Variants in TMEM117 observed in about 807,000 individuals in gnomAD.
TMEM117 encodes transmembrane protein 117.
Under a neutral mutation model 52.4 loss-of-function variants are expected in TMEM117, and 27 were observed. That is an observed-to-expected ratio of 0.51 (90% confidence interval 0.38 to 0.71). The LOEUF (loss-of-function observed/expected upper bound fraction) is 0.71. Ranked by LOEUF, TMEM117 falls within the 30% of genes least tolerant of loss-of-function variation. TMEM117 has a pLI of 0.00. For synonymous variants in TMEM117, 215 were observed against 206.3 expected, an observed-to-expected ratio of 1.04 and a Z score of -0.36; for missense variants, 556 against 630.5, an observed-to-expected ratio of 0.88 and a Z score of 1.26.
intron 6 of TMEM117, among the ~76,000 whole-genome samples, chr12:44,320,879 C>T (rs969573140): frequency 6.6e-6 from 1 of 152,200 alleles, no homozygotes; most frequent in African/African-American, 2.4e-5. Flanking sequence ...GAATAGTTCA[C>T]GTCAGACACA....
intron 2 of TMEM117, among the ~76,000 whole-genome samples, chr12:43,900,905 A>G (rs1030258535): frequency 1.3e-5 from 2 of 152,084 alleles, no homozygotes; most frequent in Non-Finnish European, 2.9e-5. Context: ...ATCACCTACT[A>G]TTCGAAGACT....
intron 5 of TMEM117, among the ~76,000 whole-genome samples, chr12:44,266,439 T>C (rs544888243): frequency 6.6e-6 from 1 of 152,296 alleles, no homozygotes; most frequent in African/African-American, 2.4e-5. Context: ...AATGTCTATT[T>C]AAAATATTTA....
At chr12:43,892,805 A>G (rs1944131474) in intron 2 of TMEM117, among the ~76,000 whole-genome samples, 1 of 152,268 alleles carries the variant, frequency 6.6e-6, no homozygotes, top group African/African-American at 2.4e-5. Context: ...TAAATGAAAA[A>G]TGAATAGTAA....
intron 3 of TMEM117, among the ~76,000 whole-genome samples, chr12:43,982,515 T>C (rs549025006): frequency 2.8e-4 from 42 of 152,268 alleles, no homozygotes; most frequent in African/African-American, 1.0e-3. Context: ...CATTAAAAAA[T>C]AATACCTTCT....
intron 3 of TMEM117, among the ~76,000 whole-genome samples, chr12:44,084,570 C>G (rs111781644): frequency 2.0e-5 from 3 of 152,208 alleles, no homozygotes; most frequent in African/African-American, 7.2e-5. Flanking sequence ...GTCTTTCATT[C>G]TTTCCCTCAT....
chr12:44,203,786 A>G (rs1205171222), intron 4 of TMEM117, among the ~76,000 whole-genome samples: 2 of 152,060 alleles, frequency 1.3e-5, no homozygotes, highest in South Asian at 2.1e-4. Flanking sequence ...ATTGATTTCT[A>G]TTTGTATAAT....
At chr12:43,959,661 G>A (rs1945370062) in intron 3 of TMEM117, among the ~76,000 whole-genome samples, 1 of 152,058 alleles carries the variant, frequency 6.6e-6, no homozygotes, top group African/African-American at 2.4e-5. Flanking sequence ...TGCTTCCATT[G>A]TTTACACCGG....
chr12:43,926,012 T>A (rs1944773078), intron 2 of TMEM117, among the ~76,000 whole-genome samples: 1 of 152,214 alleles, frequency 6.6e-6, no homozygotes, highest in Admixed American at 6.5e-5. Flanking sequence ...ATATCCCCAG[T>A]GCCATTAGTA....
intron 2 of TMEM117, among the ~76,000 whole-genome samples, chr12:43,943,757 G>C (rs1187194256): frequency 2.6e-4 from 39 of 152,184 alleles, no homozygotes; most frequent in Admixed American, 2.6e-3. Flanking sequence ...ATTAGACCTT[G>C]TAAGTAAGGT....
At chr12:44,364,552 T>A (rs1951764900) in intron 6 of TMEM117, among the ~76,000 whole-genome samples, 1 of 152,088 alleles carries the variant, frequency 6.6e-6, no homozygotes, top group South Asian at 2.1e-4. Flanking sequence ...AAGAAGGATA[T>A]TTAATAAAAT....
chr12:44,214,193 C>T (rs117560150), intron 5 of TMEM117, among the ~76,000 whole-genome samples: 9,950 of 129,118 alleles, frequency 0.077, 508 homozygotes, highest in Non-Finnish European at 0.11. Context: ...GTAGCCCAGG[C>T]TGGAGTGCGT....
At chr12:43,872,334 C>T (rs1943720525) in intron 2 of TMEM117, among the ~76,000 whole-genome samples, 1 of 148,350 alleles carries the variant, frequency 6.7e-6, no homozygotes, top group South Asian at 2.2e-4. Context: ...TCATTATGAG[C>T]ACGAATACTA....
At chr12:44,049,553 T>C (rs1322228164) in intron 3 of TMEM117, among the ~76,000 whole-genome samples, 2 of 145,138 alleles carry the variant, frequency 1.4e-5, no homozygotes, top group African/African-American at 2.6e-5. Context: ...ATAAAAAACA[T>C]TAAAAAAAAA....
At chr12:44,369,370 C>T (rs981732627) in intron 6 of TMEM117, among the ~76,000 whole-genome samples, 6 of 152,172 alleles carry the variant, frequency 3.9e-5, no homozygotes, top group African/African-American at 1.2e-4. Flanking sequence ...AGCCTCAAGG[C>T]AAGGCCTCTG....
chr12:43,905,708 G>T (rs987480841), intron 2 of TMEM117, among the ~76,000 whole-genome samples: 1 of 152,024 alleles, frequency 6.6e-6, no homozygotes, highest in Non-Finnish European at 1.5e-5. Flanking sequence ...CTTGGAGCAA[G>T]AACTTCCTTT....
intron 3 of TMEM117, among the ~76,000 whole-genome samples, chr12:44,135,659 GGA>G (rs1948479775): frequency 6.6e-6 from 1 of 151,998 alleles, no homozygotes; most frequent in African/African-American, 2.4e-5. Context: ...AGAAGGAGGA[GGA>G]GAGAGAAGAG....
At chr12:43,890,716 G>C (rs983742862) in intron 2 of TMEM117, among the ~76,000 whole-genome samples, 4 of 151,998 alleles carry the variant, frequency 2.6e-5, no homozygotes, top group African/African-American at 9.7e-5. Flanking sequence ...ATTTTCAGTA[G>C]AGACGGGGTT....
chr12:44,010,511 A>G (rs1946272982), intron 3 of TMEM117, among the ~76,000 whole-genome samples: 1 of 151,642 alleles, frequency 6.6e-6, no homozygotes, highest in South Asian at 2.1e-4. Flanking sequence ...ACCCAGATTC[A>G]CTATTCCTCG....
intron 3 of TMEM117, among the ~76,000 whole-genome samples, chr12:44,063,830 A>C (rs1343678508): frequency 6.6e-6 from 1 of 152,180 alleles, no homozygotes; most frequent in Admixed American, 6.5e-5. Context: ...AAAGGAATGC[A>C]TGGCTCTGAG....
Sources: allele counts gnomAD v4.1 joint callset (sites outside exome capture counted in the v4.1 genomes callset), GRCh38; gene constraint gnomAD v4.1.1; transcripts MANE v1.5; gene names NCBI Gene and HGNC (gene_info 2026-07-23, HGNC 2026-07-21).